Variants in CCDC178 observed in about 807,000 individuals in gnomAD.
CCDC178 encodes coiled-coil domain containing 178.
CCDC178 carries 126 observed loss-of-function variants against 117.4 expected under a neutral mutation model. That is an observed-to-expected ratio of 1.07 (90% CI 0.93 to 1.24). The LOEUF is 1.24. Ranked by LOEUF, CCDC178 falls within the 50% of genes most tolerant of loss-of-function variation. The probability of loss-of-function intolerance (pLI) is 0.00; values close to 1 mark genes in which losing one functional copy is unlikely to be tolerated. For missense variants in CCDC178, 1,030 were observed against 986.9 expected (o/e 1.04, Z -0.59); for synonymous variants, 283 against 313.4 (o/e 0.90, Z 1.02).
At chr18:33,338,615 T>C (rs2062774394) in intron 9 of CCDC178, among the ~76,000 whole-genome samples, 1 of 152,138 alleles carries the variant, frequency 6.6e-6, no homozygotes, top group South Asian at 2.1e-4. Context: ...GTGGAATTGC[T>C]GACTATTATT....
rs115241026 is a variant in CCDC178 at position 33,018,913 on chromosome 18, C to G, written c.2389-44232G>C. ...GAATTATATATCAATAAGGCTGTTA[C>G]AAAAATTCCCTGTTTGCAATATAAA... On this transcript the variant is annotated intron_variant, in intron 21 of 22. Transcript: ENST00000383096. Among the ~76,000 whole-genome samples the G allele has an allele frequency of 6.5e-3, 986 of 152,122 alleles. 9 individuals are homozygous for G. The highest frequency in any genetic ancestry group is 0.023 in the African/African-American group (940 of 41,526).
At chr18:33,242,636 T>C (rs1476128067) in intron 15 of CCDC178, among the ~76,000 whole-genome samples, 1 of 151,224 alleles carries the variant, frequency 6.6e-6, no homozygotes, top group Non-Finnish European at 1.5e-5. Context: ...TCATACAAAT[T>C]GCTAACAAAT....
chr18:33,365,551 T>G (rs183743594), intron 6 of CCDC178, among the ~76,000 whole-genome samples: 237 of 152,238 alleles, frequency 1.6e-3, no homozygotes, highest in African/African-American at 5.5e-3. Context: ...TCAATGAAAT[T>G]ATGCATATTA....
intron 20 of CCDC178, among the ~76,000 whole-genome samples, chr18:33,191,357 A>C (rs1249317647): frequency 6.6e-6 from 1 of 152,102 alleles, no homozygotes; most frequent in African/African-American, 2.4e-5. Flanking sequence ...GTTTTAGAAA[A>C]TTTTGTCCTA....
chr18:32,974,795 G>A, intron 21 of CCDC178, 114 bp from the exon 22 acceptor site: 1 of 966,666 alleles, frequency 1.0e-6, no homozygotes, highest in Non-Finnish European at 1.6e-6. Context: ...AGCCCATTCT[G>A]CACTGCACGG....
chr18:33,321,837 A>G (rs910494146), intron 11 of CCDC178, among the ~76,000 whole-genome samples: 2 of 151,980 alleles, frequency 1.3e-5, no homozygotes, highest in African/African-American at 4.8e-5. Flanking sequence ...AACGCACTTA[A>G]TGGTCCACCC....
At chr18:33,148,871 G>A (rs147599147) in intron 20 of CCDC178, among the ~76,000 whole-genome samples, 155 of 152,280 alleles carry the variant, frequency 1.0e-3, no homozygotes, top group Middle Eastern at 6.8e-3. Flanking sequence ...GTCAACCGTC[G>A]CAGTGACAAT....
At chr18:33,320,992 G>A (rs1014880240) in intron 11 of CCDC178, among the ~76,000 whole-genome samples, 1 of 152,156 alleles carries the variant, frequency 6.6e-6, no homozygotes, top group Non-Finnish European at 1.5e-5. Flanking sequence ...AATGGGGAAA[G>A]GATTCCCTAT....
At chr18:33,095,579 G>T (rs1459141194) in intron 20 of CCDC178, among the ~76,000 whole-genome samples, 1 of 151,870 alleles carries the variant, frequency 6.6e-6, no homozygotes, top group Non-Finnish European at 1.5e-5. Context: ...AACATAAGCA[G>T]GTGCACACGT....
chr18:33,201,476 C>T (rs1442681132), intron 20 of CCDC178, among the ~76,000 whole-genome samples: 1 of 152,152 alleles, frequency 6.6e-6, no homozygotes, highest in Non-Finnish European at 1.5e-5. Context: ...CAATGTTTGG[C>T]ACTTTTGAGC....
At chr18:32,941,370 C>A (rs77024939) in intron 22 of CCDC178, among the ~76,000 whole-genome samples, 12 of 152,090 alleles carry the variant, frequency 7.9e-5, no homozygotes, top group African/African-American at 2.9e-4. Context: ...CTTGTCTATT[C>A]AACAGGAGAT....
At chr18:33,033,829 A>T (rs2056391616) in intron 21 of CCDC178, among the ~76,000 whole-genome samples, 2 of 151,506 alleles carry the variant, frequency 1.3e-5, no homozygotes, top group Admixed American at 1.3e-4. Flanking sequence ...TTATCCCACT[A>T]TTTTTTTCAA....
At chr18:33,133,586 T>G (rs552830101) in intron 20 of CCDC178, among the ~76,000 whole-genome samples, 167 of 152,058 alleles carry the variant, frequency 1.1e-3, no homozygotes, top group African/African-American at 3.8e-3. Flanking sequence ...TTACAAATTT[T>G]TTTATATTTC....
intron 20 of CCDC178, among the ~76,000 whole-genome samples, chr18:33,145,298 C>G (rs947562468): frequency 6.6e-6 from 1 of 152,044 alleles, no homozygotes; most frequent in South Asian, 2.1e-4. Context: ...TTTTCTCAAA[C>G]GCCTTGTATT....
chr18:33,338,087 C>T (rs1385009695), intron 9 of CCDC178, among the ~76,000 whole-genome samples: 1 of 152,022 alleles, frequency 6.6e-6, no homozygotes, highest in African/African-American at 2.4e-5. Flanking sequence ...AAAAAATGGG[C>T]TAAGGATATG....
intron 21 of CCDC178, among the ~76,000 whole-genome samples, chr18:33,056,335 C>T (rs1388609627): frequency 6.6e-6 from 1 of 152,118 alleles, no homozygotes; most frequent in Non-Finnish European, 1.5e-5. Flanking sequence ...AATTTCTGCT[C>T]TCTGTATTGT....
At chr18:33,179,852 G>C (rs143062123) in intron 20 of CCDC178, among the ~76,000 whole-genome samples, 2 of 151,844 alleles carry the variant, frequency 1.3e-5, no homozygotes, top group Admixed American at 6.6e-5. Flanking sequence ...TTTTAACACC[G>C]CTAGTCTACA....
intron 11 of CCDC178, among the ~76,000 whole-genome samples, chr18:33,316,138 G>A (rs1599149190): frequency 6.6e-6 from 1 of 152,202 alleles, no homozygotes; most frequent in South Asian, 2.1e-4. Context: ...AGCTTGAGGA[G>A]CCCTTCAGCC....
chr18:33,212,886 G>C (rs1372429552), intron 19 of CCDC178, among the ~76,000 whole-genome samples: 1 of 151,916 alleles, frequency 6.6e-6, no homozygotes, highest in Non-Finnish European at 1.5e-5. Flanking sequence ...GCTTGCCAAA[G>C]TTGAGCAGCA....
Sources: gnomAD v4.1 joint callset for allele counts (sites outside exome capture counted in the v4.1 genomes callset) on GRCh38, gnomAD v4.1.1 for gene constraint, MANE v1.5 for transcripts, NCBI Gene and HGNC (gene_info 2026-07-23, HGNC 2026-07-21) for gene names.